FKBP2: variants seen among roughly 807,000 people sequenced by gnomAD.
FKBP2 encodes peptidyl-prolyl cis-trans isomerase FKBP2.
In FKBP2, 15 loss-of-function variants were observed where a neutral mutation model predicts 19.4. The ratio of observed to expected loss-of-function variants is 0.77; its 90% CI spans 0.52 to 1.19. FKBP2 has a LOEUF of 1.19. Ranked by LOEUF, FKBP2 falls within the 50% of genes most tolerant of loss-of-function variation. FKBP2 has a pLI of 0.00. For synonymous variants in FKBP2, 76 were observed against 74.8 expected (o/e 1.02, Z -0.08); for missense variants, 170 against 179.0 (o/e 0.95, Z 0.29).
intron 1 of FKBP2, chr11:64,241,587 G>T (rs538924039): frequency 1.3e-5 from 2 of 152,720 alleles, no homozygotes; most frequent in Admixed American, 6.5e-5. Flanking sequence ...GTCGAAGGCG[G>T]GGCTGCAGGC....
At position 64,241,685 on chromosome 11, in the gene FKBP2, G is replaced by A. The variant is rs560590552; in HGVS notation, c.-5+553G>A. On this transcript the variant is annotated intron_variant, in intron 1 of 5. Coordinates refer to ENST00000309366, the MANE Select transcript of FKBP2 (RefSeq NM_004470.4). ...GAGTAATGGCCCCGGGCGTCCTCGC[G>A]GGGGTGGTCTCCGTGGTGGCCGGGC... The A allele has an allele frequency of 5.0e-4, 76 of 152,428 alleles. 1 individual carries two copies. Among genetic ancestry groups the A allele is most frequent in the African/African-American group, 1.8e-3 (74 of 41,552 alleles). 9.4% of individuals were successfully genotyped at this position (152,428 alleles called of 1,614,324 possible).
intron 3 of FKBP2, 60 bp downstream of exon 3, chr11:64,243,371 A>G (rs2030674943): frequency 6.2e-7 from 1 of 1,605,040 alleles, no homozygotes; most frequent in South Asian, 1.1e-5. Context: ...CCCAGGAGGT[A>G]AGCTGTGGGA....
chr11:64,242,147 G>A, intron 1 of FKBP2: 1 of 456,982 alleles, frequency 2.2e-6, no homozygotes, highest in Non-Finnish European at 3.9e-6. Context: ...CCTGGCTGCT[G>A]TGGCCTCCCC....
intron 1 of FKBP2, chr11:64,241,641 C>T (rs1178137996): frequency 4.6e-5 from 7 of 152,374 alleles, no homozygotes; most frequent in African/African-American, 1.7e-4. Context: ...GCCAAGGAGC[C>T]AAGTGAGGAG....
At chr11:64,243,614 C>T in intron 4 of FKBP2, 117 bp downstream of exon 4, 1 of 1,373,378 alleles carries the variant, frequency 7.3e-7, no homozygotes, top group Non-Finnish European at 1.0e-6. Flanking sequence ...ATACATGCCT[C>T]CTCCAAGTTT....
At chr11:64,243,942 A>G in intron 5 of FKBP2, 26 bp from the exon 6 acceptor site, 1 of 1,614,056 alleles carries the variant, frequency 6.2e-7, no homozygotes, top group Middle Eastern at 1.7e-4. Flanking sequence ...CCTGGTTGGC[A>G]TTTTGACTCC....
rs762452775 is a variant in FKBP2, at chr11:64,244,064, T to C, written c.*35T>C. 1.9e-6 allele frequency: 3 copies of C among 1,602,774 alleles called. No individual in the cohort carries two copies. The Admixed American group carries it at 5.0e-5, about 27-fold the overall frequency. On this transcript the variant is annotated 3_prime_UTR_variant, in exon 6 of 6. Coordinates refer to ENST00000309366, the MANE Select transcript of FKBP2 (RefSeq NM_004470.4). ...GGAGGGGCAGGGGGAGAGGCCCCCA[T>C]CAGGGACCAGACTGTTCCAAAAAAA...
chr11:64,243,806 C>A, intron 4 of FKBP2, 35 bp from the exon 5 acceptor site: 2 of 1,613,416 alleles, frequency 1.2e-6, no homozygotes, highest in South Asian at 1.1e-5. Context: ...GGGAGCTTGG[C>A]CATCACTGAC....
At chr11:64,243,555 G>A in intron 4 of FKBP2, 58 bp downstream of exon 4, 1 of 1,591,126 alleles carries the variant, frequency 6.3e-7, no homozygotes, top group East Asian at 2.2e-5. Context: ...TGGGAAGGGT[G>A]AAAGCTGCTT....
Sources: allele counts gnomAD v4.1 joint callset, GRCh38; gene constraint gnomAD v4.1.1; transcripts MANE v1.5; gene names NCBI Gene and HGNC (gene_info 2026-07-23, HGNC 2026-07-21).